The following CTNNA2 variants were observed in gnomAD, a reference collection of about 807,000 sequenced individuals.
The protein encoded by CTNNA2 is catenin alpha 2, also known as catenin alpha-2.
Under a neutral mutation model 101.0 loss-of-function variants are expected in CTNNA2, and 42 were observed. The ratio of observed to expected loss-of-function variants is 0.42; its 90% CI spans 0.32 to 0.54. The LOEUF is 0.54. Among genes scored for constraint, CTNNA2 ranks in the 20% least tolerant of loss-of-function variants. CTNNA2 has a pLI of 0.14. For missense variants in CTNNA2, 871 were observed against 1,223.1 expected (o/e 0.71, Z 4.29); for synonymous variants, 450 against 456.4 (o/e 0.99, Z 0.18).
rs1333803035 is a variant in CTNNA2, at chr2:80,237,690, C to T, written c.1057-155521C>T. On this transcript the variant is annotated intron_variant, in intron 7 of 18. Coordinates refer to ENST00000402739, the MANE Select transcript of CTNNA2 (RefSeq NM_001282597.3). ...TGGGCAACAAGACTTTAAATACCTCCTCCAACTACAAGGTTCTAAGGATCT... is the reference window on the plus strand; with the variant it reads ...TGGGCAACAAGACTTTAAATACCTCTTCCAACTACAAGGTTCTAAGGATCT... 2.0e-5 allele frequency among the ~76,000 whole-genome samples: 3 copies of T among 152,276 alleles called. No individual in the cohort carries two copies. The East Asian group carries it at 5.8e-4, about 30-fold the overall frequency.
chr2:80,618,903 G>C (rs868279145), intron 17 of CTNNA2, 182 bp from the exon 18 acceptor site: 2 of 403,434 alleles, frequency 5.0e-6, no homozygotes, highest in African/African-American at 2.1e-5. Flanking sequence ...TGGCCAGGCC[G>C]CTTAATGTCA....
At chr2:79,743,948 C>T (rs2104989089) in intron 2 of CTNNA2, among the ~76,000 whole-genome samples, 1 of 152,244 alleles carries the variant, frequency 6.6e-6, no homozygotes, top group Admixed American at 6.5e-5. Context: ...TTATTAATTG[C>T]TCATTCATCT....
chr2:79,511,714 A>G (rs1671547525), upstream of CTNNA2, among the ~76,000 whole-genome samples: 1 of 152,182 alleles, frequency 6.6e-6, no homozygotes, highest in African/African-American at 2.4e-5. Context: ...CATTCCCTAG[A>G]GAGAATTAAA....
chr2:80,152,730 T>G (rs969497504), intron 7 of CTNNA2, among the ~76,000 whole-genome samples: 7 of 151,990 alleles, frequency 4.6e-5, no homozygotes, highest in Admixed American at 4.6e-4. Context: ...AAAAATTTTC[T>G]CACTAACACA....
At chr2:80,037,984 A>G (rs114912197) in intron 7 of CTNNA2, among the ~76,000 whole-genome samples, 2,616 of 152,304 alleles carry the variant, frequency 0.017, 60 homozygotes, top group African/African-American at 0.054. Flanking sequence ...GAAAGGGTGG[A>G]GAGACCTAAT....
At chr2:79,718,974 G>C (rs944419171) in intron 2 of CTNNA2, among the ~76,000 whole-genome samples, 37 of 151,948 alleles carry the variant, frequency 2.4e-4, no homozygotes, top group African/African-American at 8.7e-4. Flanking sequence ...TGTTACATGG[G>C]TATATTGCTT....
intron 1 of CTNNA2, among the ~76,000 whole-genome samples, chr2:79,618,346 C>T (rs1558775569): frequency 1.3e-5 from 2 of 152,154 alleles, no homozygotes; most frequent in African/African-American, 4.8e-5. Flanking sequence ...GTTTCTTTCT[C>T]TTACAAGCAC....
intron 7 of CTNNA2, among the ~76,000 whole-genome samples, chr2:80,059,598 T>C (rs888409660): frequency 3.9e-5 from 6 of 152,348 alleles, no homozygotes; most frequent in African/African-American, 1.4e-4. Context: ...GATTCCATAA[T>C]GATTCTGAGA....
At chr2:80,420,688 C>A in intron 9 of CTNNA2, among the ~76,000 whole-genome samples, 1 of 152,140 alleles carries the variant, frequency 6.6e-6, no homozygotes, top group African/African-American at 2.4e-5. Flanking sequence ...ATGCTAAGCA[C>A]CTGCTTAGTT....
intron 7 of CTNNA2, among the ~76,000 whole-genome samples, chr2:80,039,996 C>A (rs530522983): frequency 6.6e-6 from 1 of 152,194 alleles, no homozygotes; most frequent in East Asian, 1.9e-4. Flanking sequence ...TATGAACAAT[C>A]AAATTAAAAA....
At chr2:79,307,011 A>G (rs898949519) in intron 2 of CTNNA2, among the ~76,000 whole-genome samples, 1 of 152,138 alleles carries the variant, frequency 6.6e-6, no homozygotes, top group African/African-American at 2.4e-5. Flanking sequence ...TCTAGATATT[A>G]ATCCTTTTTT....
intron 2 of CTNNA2, among the ~76,000 whole-genome samples, chr2:79,278,512 C>A (rs1212417231): frequency 1.9e-5 from 2 of 103,996 alleles, no homozygotes; most frequent in African/African-American, 7.5e-5. Context: ...ATGACATCCC[C>A]AAGCCCACGA....
chr2:79,605,904 G>A (rs1677858126), intron 1 of CTNNA2, among the ~76,000 whole-genome samples: 1 of 151,984 alleles, frequency 6.6e-6, no homozygotes, highest in Non-Finnish European at 1.5e-5. Flanking sequence ...ACTCTAGCCT[G>A]GGTGACAGGG....
At chr2:79,861,146 G>T (rs1474995717) in intron 4 of CTNNA2, among the ~76,000 whole-genome samples, 1 of 152,150 alleles carries the variant, frequency 6.6e-6, no homozygotes, top group African/African-American at 2.4e-5. Context: ...TAGTGACTCT[G>T]GTTTTCTAGT....
chr2:79,469,654 A>G (rs1246547847), intron 4 of CTNNA2, among the ~76,000 whole-genome samples: 1 of 152,210 alleles, frequency 6.6e-6, no homozygotes, highest in Non-Finnish European at 1.5e-5. Flanking sequence ...AACCGAATCC[A>G]GCACCTCATC....
At chr2:79,304,020 G>A (rs993950439) in intron 2 of CTNNA2, among the ~76,000 whole-genome samples, 1 of 152,072 alleles carries the variant, frequency 6.6e-6, no homozygotes, top group Admixed American at 6.6e-5. Flanking sequence ...CTGCTACTGG[G>A]AGCACTCACT....
intron 7 of CTNNA2, among the ~76,000 whole-genome samples, chr2:80,305,781 C>G (rs1676877947): frequency 6.6e-6 from 1 of 152,028 alleles, no homozygotes. Flanking sequence ...TCTGTTTAAA[C>G]AAAGTCCTCC....
In CTNNA2 at chr2:79,948,586, CAATT is replaced by C. The variant is rs531646218; in HGVS notation, c.1056+38791_1056+38794del. Among the ~76,000 whole-genome samples the C allele has an allele frequency of 4.3e-4, 66 of 152,280 alleles. No homozygotes were observed. The East Asian group carries it at 5.2e-3, about 12-fold the overall frequency. On this transcript the variant is annotated intron_variant, in intron 7 of 18. Transcript: ENST00000402739. Reference sequence around the variant, plus strand: ...TTGATGTGAGAGAGCTAAGCTCTGACAATTAGTTAGAAGAAAGAGGAGACAATTT... The same window carrying C: ...TTGATGTGAGAGAGCTAAGCTCTGACAGTTAGAAGAAAGAGGAGACAATTT...
chr2:80,604,223 T>C (rs1422279563), intron 16 of CTNNA2, 44 bp downstream of exon 16: 1 of 1,490,094 alleles, frequency 6.7e-7, no homozygotes, highest in Admixed American at 1.7e-5. Context: ...GTGGAGTCAC[T>C]AATTAGCACT....
Sources: allele counts gnomAD v4.1 joint callset (sites outside exome capture counted in the v4.1 genomes callset), GRCh38; gene constraint gnomAD v4.1.1; transcripts MANE v1.5; gene names NCBI Gene and HGNC (gene_info 2026-07-23, HGNC 2026-07-21).